The following ATOSA variants were observed in gnomAD, a reference collection of about 807,000 sequenced individuals.
ATOSA encodes the protein atos homolog protein A.
At chr15:52,603,521 G>C in the ATOSA span, among the ~76,000 whole-genome samples, 1 of 152,192 alleles carries the variant, frequency 6.6e-6, no homozygotes, top group African/African-American at 2.4e-5. Flanking sequence ...ATATTAAAGA[G>C]ATAGCTGCAC....
At chr15:52,584,296 C>T in the ATOSA span, among the ~76,000 whole-genome samples, 9 of 151,580 alleles carry the variant, frequency 5.9e-5, no homozygotes, top group South Asian at 1.9e-3. Flanking sequence ...CTCCCACCAC[C>T]ATGCCCAGGT....
At chr15:52,686,891 T>G in the ATOSA span, among the ~76,000 whole-genome samples, 1 of 152,256 alleles carries the variant, frequency 6.6e-6, no homozygotes, top group Non-Finnish European at 1.5e-5. Flanking sequence ...ACATTAGCCT[T>G]CTTATTTCAA....
At chr15:52,668,813 G>A in the ATOSA span, among the ~76,000 whole-genome samples, 1 of 148,560 alleles carries the variant, frequency 6.7e-6, no homozygotes, top group Non-Finnish European at 1.5e-5. Flanking sequence ...TACTTATATG[G>A]AGATAAAACA....
At chr15:52,610,047 T>C in the ATOSA span, 5 of 1,613,900 alleles carry the variant, frequency 3.1e-6, no homozygotes, top group South Asian at 5.5e-5. Flanking sequence ...CAGTATATTC[T>C]GGACTTGGGC....
the ATOSA span, chr15:52,609,746 G>A: frequency 1.9e-6 from 3 of 1,613,718 alleles, no homozygotes; most frequent in Non-Finnish European, 1.7e-6. Flanking sequence ...CCAGAAACAT[G>A]TGAAGTGCTT....
At chr15:52,611,617 G>T in the ATOSA span, 4 of 1,613,982 alleles carry the variant, frequency 2.5e-6, no homozygotes, top group Admixed American at 6.7e-5. Context: ...TAATAATAAT[G>T]CATCTTGCTT....
At chr15:52,599,596 T>C in the ATOSA span, among the ~76,000 whole-genome samples, 6 of 152,150 alleles carry the variant, frequency 3.9e-5, no homozygotes, top group Admixed American at 1.3e-4. Flanking sequence ...TTACAGACAA[T>C]TGAAACCCAT....
At chr15:52,662,916 G>A in the ATOSA span, among the ~76,000 whole-genome samples, 3 of 151,896 alleles carry the variant, frequency 2.0e-5, no homozygotes, top group Admixed American at 6.6e-5. Context: ...AGAAGAAAAA[G>A]AATTAGCTAA....
the ATOSA span, among the ~76,000 whole-genome samples, chr15:52,670,943 TTTGAG>T: frequency 9.2e-5 from 14 of 152,312 alleles, no homozygotes; most frequent in Non-Finnish European, 1.9e-4. Flanking sequence ...CTCTAAATCC[TTTGAG>T]TTTTTTTTCC....
chr15:52,585,019 A>G, the ATOSA span: 1 of 1,265,742 alleles, frequency 7.9e-7, no homozygotes, highest in Non-Finnish European at 1.1e-6. Flanking sequence ...TGTGCCAATA[A>G]TCAAACAAGA....
the ATOSA span, among the ~76,000 whole-genome samples, chr15:52,604,624 G>C: frequency 6.6e-6 from 1 of 152,122 alleles, no homozygotes; most frequent in African/African-American, 2.4e-5. Flanking sequence ...TTACATATGA[G>C]GAAACTGAGA....
chr15:52,665,248 C>A, the ATOSA span, among the ~76,000 whole-genome samples: 1 of 152,134 alleles, frequency 6.6e-6, no homozygotes, highest in African/African-American at 2.4e-5. Context: ...TGTGTACCCC[C>A]TGAATCTAAA....
At chr15:52,681,744 C>CA in the ATOSA span, among the ~76,000 whole-genome samples, 137 of 151,718 alleles carry the variant, frequency 9.0e-4, no homozygotes, top group African/African-American at 3.2e-3. Context: ...TAATTAACTT[C>CA]AAAAAAAAGT....
At chr15:52,702,287 T>C in the ATOSA span, among the ~76,000 whole-genome samples, 1 of 152,182 alleles carries the variant, frequency 6.6e-6, no homozygotes, top group Non-Finnish European at 1.5e-5. Flanking sequence ...AAAATCTTCC[T>C]ACCAAAAAGA....
At chr15:52,658,525 G>C in the ATOSA span, 1 of 386,386 alleles carries the variant, frequency 2.6e-6, no homozygotes, top group East Asian at 3.7e-5. Flanking sequence ...ACATCAGTAA[G>C]ACCTCATAAA....
At chr15:52,617,487 G>GAAAATA in the ATOSA span, among the ~76,000 whole-genome samples, 5 of 151,876 alleles carry the variant, frequency 3.3e-5, no homozygotes, top group African/African-American at 1.2e-4. Context: ...AAACATCGGG[G>GAAAATA]AAAATAAAAC....
At chr15:52,687,055 A>G in the ATOSA span, among the ~76,000 whole-genome samples, 2,899 of 152,346 alleles carry the variant, frequency 0.019, 107 homozygotes, top group African/African-American at 0.067. Flanking sequence ...AGAGACTAGA[A>G]AAGCAAATGT....
At chr15:52,606,514 G>A in the ATOSA span, among the ~76,000 whole-genome samples, 2 of 152,194 alleles carry the variant, frequency 1.3e-5, no homozygotes, top group South Asian at 2.1e-4. Context: ...AAGTGAGAGG[G>A]ATTAAGTAAG....
At chr15:52,677,721 C>A in the ATOSA span, among the ~76,000 whole-genome samples, 1 of 152,190 alleles carries the variant, frequency 6.6e-6, no homozygotes. Context: ...TAAAATGATA[C>A]CTGTATTGTG....
Sources: allele counts gnomAD v4.1 joint callset (sites outside exome capture counted in the v4.1 genomes callset), GRCh38; gene constraint gnomAD v4.1.1; transcripts MANE v1.5; gene names NCBI Gene and HGNC (gene_info 2026-07-23, HGNC 2026-07-21).